Variants in NCOR1 observed in about 807,000 individuals in gnomAD.
NCOR1 encodes protein phosphatase 1, regulatory subunit 109.
A neutral mutation model predicts 288.1 loss-of-function variants in NCOR1; 63 were observed. The observed-to-expected ratio is 0.22, with a 90% CI of 0.18 to 0.27. The LOEUF (loss-of-function observed/expected upper bound fraction) is 0.27, where lower values mean the gene tolerates loss of function less well. NCOR1 is among the 10% of genes least tolerant of loss of function. NCOR1 has a pLI of 1.00. For missense variants in NCOR1, 2,397 were observed against 3,019.2 expected (o/e 0.79, Z 4.83); for synonymous variants, 1,007 against 1,065.9 (o/e 0.94, Z 1.08).
chr17:16,053,465 C>T (rs1029719710), intron 40 of NCOR1, among the ~76,000 whole-genome samples: 7 of 151,970 alleles, frequency 4.6e-5, no homozygotes, highest in African/African-American at 1.7e-4. Context: ...AATAAAATAC[C>T]TAGGAATACA....
At position 16,039,208 on chromosome 17, in the gene NCOR1, G is replaced by C. The variant is rs867225026; in HGVS notation, c.6955+225C>G. On this transcript the variant is annotated intron_variant, in intron 44 of 45. Coordinates refer to ENST00000268712, the MANE Select transcript of NCOR1 (RefSeq NM_006311.4). Reference sequence around the variant, plus strand: ...AAACAAATAAAAAATGGACATCCCAGGAGGGTGACACTTTGGGTAAAAATT... The same window carrying C: ...AAACAAATAAAAAATGGACATCCCACGAGGGTGACACTTTGGGTAAAAATT... The C allele has an allele frequency of 2.0e-5, 11 of 542,658 alleles. No homozygotes were observed. In the Middle Eastern group the frequency reaches 2.5e-3, roughly 125 times the overall value. The allele number at this position is 542,658 out of a possible 1,614,324, so 33.6% of individuals were successfully genotyped here.
intron 37 of NCOR1, among the ~76,000 whole-genome samples, chr17:16,058,920 A>C (rs992873133): frequency 7.2e-5 from 11 of 151,998 alleles, no homozygotes; most frequent in African/African-American, 2.7e-4. Context: ...GTGGTAGCTC[A>C]TGCCTGTAAT....
At chr17:16,184,103 A>G (rs2086100358) in intron 3 of NCOR1, among the ~76,000 whole-genome samples, 1 of 152,218 alleles carries the variant, frequency 6.6e-6, no homozygotes, top group Non-Finnish European at 1.5e-5. Flanking sequence ...ATACTTAAAT[A>G]TAAGATCAGA....
chr17:16,177,268 AAGAAATAT>A (rs1483746471), intron 3 of NCOR1, among the ~76,000 whole-genome samples: 1 of 152,044 alleles, frequency 6.6e-6, no homozygotes, highest in African/African-American at 2.4e-5. Flanking sequence ...TCTTTTATAG[AAGAAATAT>A]AGAAATATAG....
chr17:16,083,327 A>T (rs2063692227), intron 23 of NCOR1, among the ~76,000 whole-genome samples: 1 of 151,714 alleles, frequency 6.6e-6, no homozygotes, highest in African/African-American at 2.4e-5. Context: ...GTGAGCTATG[A>T]TCACACTACT....
chr17:16,136,825 A>G (rs1986040), intron 14 of NCOR1, among the ~76,000 whole-genome samples: 55,699 of 138,338 alleles, frequency 0.4, 12,955 homozygotes, highest in Middle Eastern at 0.54. Flanking sequence ...AAAAAAAAAA[A>G]AAAGAAAGAA....
chr17:16,048,394 A>G (rs2152469320), intron 41 of NCOR1, among the ~76,000 whole-genome samples: 1 of 152,272 alleles, frequency 6.6e-6, no homozygotes, highest in East Asian at 1.9e-4. Flanking sequence ...AGGTATGGAG[A>G]CTGACTGGAA....
At chr17:16,168,309 T>C (rs2082420520) in intron 4 of NCOR1, among the ~76,000 whole-genome samples, 1 of 152,164 alleles carries the variant, frequency 6.6e-6, no homozygotes, top group African/African-American at 2.4e-5. Context: ...CAAGCGATTC[T>C]CTTGCCTCAG....
At chr17:16,068,144 A>G in intron 31 of NCOR1, 23 bp from the exon 32 acceptor site, 2 of 1,541,282 alleles carry the variant, frequency 1.3e-6, no homozygotes, top group Non-Finnish European at 1.8e-6. Context: ...AGCCAATGCC[A>G]CAAGTTCTTA....
chr17:16,189,222 C>T (rs1418816312), intron 2 of NCOR1, among the ~76,000 whole-genome samples: 1 of 152,092 alleles, frequency 6.6e-6, no homozygotes, highest in African/African-American at 2.4e-5. Flanking sequence ...GGCGAAACCC[C>T]GTGTGTACTA....
intron 17 of NCOR1, 24 bp from the exon 18 acceptor site, chr17:16,118,051 TG>T: frequency 6.2e-7 from 1 of 1,604,480 alleles, no homozygotes; most frequent in Non-Finnish European, 8.5e-7. Flanking sequence ...ACAGACCAAA[TG>T]TTAATTGAAC....
chr17:16,127,267 A>ATGTATGTATATATACG, intron 14 of NCOR1, among the ~76,000 whole-genome samples: 1 of 104,604 alleles, frequency 9.6e-6, no homozygotes, highest in East Asian at 2.0e-4. Context: ...GTGTGTATAT[A>ATGTATGTATATATACG]TGTATGTATA....
Position 16,052,882 on chromosome 17 carries a change from T to G in NCOR1, c.6393-3894A>C, listed in dbSNP as rs61477293. On this transcript the variant is annotated intron_variant, in intron 40 of 45. Transcript: ENST00000268712. ...CTGGCAAACCAAACCCAGCAAAATA[T>G]TAAAAAGCTTATCCACCACAATCAA... 7.2e-3 allele frequency among the ~76,000 whole-genome samples: 1,095 copies of G among 152,204 alleles called. 13 individuals carry two copies. The highest frequency in any genetic ancestry group is 0.025 in the African/African-American group (1,054 of 41,530).
intron 39 of NCOR1, 85 bp from the exon 40 acceptor site, chr17:16,057,822 T>C (rs2060108727): frequency 2.7e-6 from 4 of 1,478,050 alleles, no homozygotes; most frequent in Non-Finnish European, 3.6e-6. Context: ...GATATCTTTA[T>C]TATAAATTTC....
chr17:16,056,475 C>A (rs2059944126), intron 40 of NCOR1, among the ~76,000 whole-genome samples: 1 of 151,764 alleles, frequency 6.6e-6, no homozygotes, highest in Non-Finnish European at 1.5e-5. Context: ...TCATGCCTGG[C>A]TAATTTTTTT....
intron 16 of NCOR1, among the ~76,000 whole-genome samples, chr17:16,120,153 T>C (rs2072683114): frequency 1.3e-5 from 2 of 152,096 alleles, no homozygotes; most frequent in Admixed American, 6.6e-5. Context: ...CATTTACCAC[T>C]CACATCCAAT....
At chr17:16,066,901 G>A (rs962210512) in intron 32 of NCOR1, among the ~76,000 whole-genome samples, 1 of 152,224 alleles carries the variant, frequency 6.6e-6, no homozygotes, top group Admixed American at 6.5e-5. Context: ...TGAGGCACAA[G>A]TATTCTGTGT....
At chr17:16,175,137 T>G (rs1011505622) in intron 3 of NCOR1, among the ~76,000 whole-genome samples, 1 of 149,396 alleles carries the variant, frequency 6.7e-6, no homozygotes, top group Non-Finnish European at 1.5e-5. Context: ...GGAGGCCGAG[T>G]AAGTGCATCA....
At chr17:16,202,800 G>C (rs1461146204) in intron 1 of NCOR1, among the ~76,000 whole-genome samples, 2 of 152,108 alleles carry the variant, frequency 1.3e-5, no homozygotes, top group Middle Eastern at 3.2e-3. Context: ...TTAATCAAGG[G>C]TTATGAACAG....
Sources: allele counts gnomAD v4.1 joint callset (sites outside exome capture counted in the v4.1 genomes callset), GRCh38; gene constraint gnomAD v4.1.1; transcripts MANE v1.5; gene names NCBI Gene and HGNC (gene_info 2026-07-23, HGNC 2026-07-21).